Variants in EYS observed in about 807,000 individuals in gnomAD.
The protein encoded by EYS is EGF-like photoreceptor maintenance factor, also known as protein eyes shut homolog.
In EYS, 250 loss-of-function variants were observed where a neutral mutation model predicts 282.1. That is an observed-to-expected ratio of 0.89 (90% CI 0.80 to 0.98). The LOEUF (loss-of-function observed/expected upper bound fraction) is 0.98. EYS is among the 50% of genes least tolerant of loss of function. EYS has a pLI of 0.00. For missense variants in EYS, 4,016 were observed against 3,709.0 expected (o/e 1.08, Z -2.15); for synonymous variants, 1,355 against 1,282.9 (o/e 1.06, Z -1.20).
At chr6:64,373,639 C>T (rs971030838) in intron 29 of EYS, among the ~76,000 whole-genome samples, 3 of 152,124 alleles carry the variant, frequency 2.0e-5, no homozygotes, top group Non-Finnish European at 4.4e-5. Context: ...TTGGCAAATT[C>T]AGGAAGAAGT....
intron 41 of EYS, among the ~76,000 whole-genome samples, chr6:63,736,563 G>A (rs886731213): frequency 4.1e-4 from 62 of 152,174 alleles, no homozygotes; most frequent in African/African-American, 1.4e-3. Flanking sequence ...TTGACTTGGC[G>A]ATGCGGGCTC....
chr6:64,765,639 A>G (rs1392617413), intron 22 of EYS, among the ~76,000 whole-genome samples: 1 of 152,230 alleles, frequency 6.6e-6, no homozygotes, highest in East Asian at 1.9e-4. Flanking sequence ...GAGGACTCAG[A>G]AAACTTACAA....
chr6:65,578,534 T>G (rs1166666671), intron 2 of EYS, among the ~76,000 whole-genome samples: 1 of 151,804 alleles, frequency 6.6e-6, no homozygotes, highest in Non-Finnish European at 1.5e-5. Flanking sequence ...TACATCATGG[T>G]GACCACAGTA....
At chr6:64,817,540 G>C (rs72648373) in intron 21 of EYS, among the ~76,000 whole-genome samples, 6,337 of 152,082 alleles carry the variant, frequency 0.042, 296 homozygotes, top group East Asian at 0.25. Flanking sequence ...TTGTTACACG[G>C]GTGTATTGCA....
At chr6:63,914,729 A>T (rs1183149729) in intron 35 of EYS, among the ~76,000 whole-genome samples, 1 of 152,108 alleles carries the variant, frequency 6.6e-6, no homozygotes, top group Non-Finnish European at 1.5e-5. Context: ...AAAAAAAAAA[A>T]AAAAGCAAAA....
chr6:64,851,159 T>C (rs1583222243), intron 19 of EYS, among the ~76,000 whole-genome samples: 1 of 152,022 alleles, frequency 6.6e-6, no homozygotes, highest in African/African-American at 2.4e-5. Flanking sequence ...GCTGCCACCA[T>C]GCATGGAGAA....
intron 14 of EYS, among the ~76,000 whole-genome samples, chr6:64,947,683 A>C: frequency 6.7e-6 from 1 of 148,454 alleles, no homozygotes; most frequent in South Asian, 2.1e-4. Context: ...ACATTAAAAG[A>C]GGACTTACAT....
rs1397656683 is a variant in EYS, at chr6:64,436,158, G to T, written c.5927+16C>A. ...CTACTTAATGAGATTAACTGGAAAA[G>T]AAATAATTATCTTACCTGATAAGCA... On this transcript the variant is annotated intron_variant, in intron 28 of 42. Coordinates refer to ENST00000503581, the MANE Select transcript of EYS (RefSeq NM_001142800.2). The T allele has an allele frequency of 2.1e-6, 3 of 1,420,162 alleles. No individual in the cohort carries two copies. Among genetic ancestry groups the T allele is most frequent in the Non-Finnish European group, 2.9e-6 (3 of 1,045,774 alleles). The allele number at this position is 1,420,162 out of a possible 1,614,324, so 88.0% of individuals were successfully genotyped here. A position where few individuals can be genotyped will look rare whatever the true frequency, so the allele number is the denominator to read the frequency against.
intron 12 of EYS, among the ~76,000 whole-genome samples, chr6:65,253,297 T>C (rs564369151): frequency 6.6e-6 from 1 of 152,080 alleles, no homozygotes; most frequent in South Asian, 2.1e-4. Context: ...TTGAAATAAT[T>C]TTCTTATTCT....
At chr6:65,623,543 A>C (rs1392022404) in intron 2 of EYS, among the ~76,000 whole-genome samples, 2 of 152,150 alleles carry the variant, frequency 1.3e-5, no homozygotes, top group African/African-American at 4.8e-5. Flanking sequence ...ACAAATTTTT[A>C]GTATAGTGTT....
intron 41 of EYS, among the ~76,000 whole-genome samples, chr6:63,734,065 A>G (rs1165243446): frequency 1.3e-5 from 2 of 152,184 alleles, no homozygotes; most frequent in Non-Finnish European, 2.9e-5. Context: ...GTGGGAGCTA[A>G]ACATTGGATA....
At chr6:64,986,231 C>T (rs1011201067) in intron 14 of EYS, among the ~76,000 whole-genome samples, 4 of 151,282 alleles carry the variant, frequency 2.6e-5, no homozygotes, top group Non-Finnish European at 5.9e-5. Context: ...CAGAAGGTGC[C>T]AGGCTTATTA....
intron 22 of EYS, chr6:64,631,814 C>G (rs1767793036): frequency 6.6e-6 from 1 of 151,882 alleles, no homozygotes; most frequent in African/African-American, 2.4e-5. Flanking sequence ...AATTTTCATC[C>G]CCCACAATCT....
intron 16 of EYS, among the ~76,000 whole-genome samples, chr6:64,905,500 A>G (rs530528675): frequency 6.6e-6 from 1 of 152,302 alleles, no homozygotes; most frequent in South Asian, 2.1e-4. Flanking sequence ...TCCTTTTCTT[A>G]CACTGTCTCG....
At chr6:65,516,256 A>G (rs1008638670) in intron 2 of EYS, among the ~76,000 whole-genome samples, 1 of 152,162 alleles carries the variant, frequency 6.6e-6, no homozygotes, top group African/African-American at 2.4e-5. Flanking sequence ...TTTTATTTAT[A>G]TACTTGCATG....
At chr6:64,864,385 C>CTTATTTTTTTTTTTTTTTTTTTTTTTT in intron 19 of EYS, among the ~76,000 whole-genome samples, 1 of 57,166 alleles carries the variant, frequency 1.7e-5, no homozygotes, top group Non-Finnish European at 3.6e-5. Context: ...GCTATACCTT[C>CTTATTTTTTTTTTTTTTTTTTTTTTTT]TTTTTTTTTT....
At position 64,663,106 on chromosome 6, in the gene EYS, A is replaced by G. The variant is rs940618123; in HGVS notation, c.3444-36861T>C. On this transcript the variant is annotated intron_variant, in intron 22 of 42. Transcript: ENST00000503581. ...GTAAGAGTTAATCAGAGCTTAGCGA[A>G]TTGATGATTTTCCTAAAAAATAATA... is the stretch of plus-strand genomic sequence containing the variant. 6.2e-5 allele frequency among the ~76,000 whole-genome samples: 7 copies of G among 112,452 alleles called. No homozygotes were observed. The Admixed American group carries it at 6.7e-4, about 11-fold the overall frequency. The allele number at this position is 112,452 out of a possible 152,430, so 73.8% of individuals were successfully genotyped here.
chr6:65,330,862 G>T (rs1242207455), intron 11 of EYS: 2 of 944,498 alleles, frequency 2.1e-6, no homozygotes, highest in Non-Finnish European at 2.5e-6. Flanking sequence ...AAGGTATAAG[G>T]TTGTAATCCA....
intron 35 of EYS, among the ~76,000 whole-genome samples, chr6:63,897,263 G>T (rs566914202): frequency 4.5e-4 from 68 of 152,198 alleles, no homozygotes; most frequent in Non-Finnish European, 5.0e-4. Context: ...CTGAACAATG[G>T]TCTTCAAAGA....
Sources: allele counts gnomAD v4.1 joint callset (sites outside exome capture counted in the v4.1 genomes callset), GRCh38; gene constraint gnomAD v4.1.1; transcripts MANE v1.5; gene names NCBI Gene and HGNC (gene_info 2026-07-23, HGNC 2026-07-21).